Variants in DNAAF6 observed in about 807,000 individuals in gnomAD.
The protein encoded by DNAAF6 is dynein axonemal assembly factor 6, also known as PIH1 domain containing 3.
A neutral mutation model predicts 13.7 loss-of-function variants in DNAAF6; 3 were observed. That is an observed-to-expected ratio of 0.22 (90% CI 0.10 to 0.56). The LOEUF (loss-of-function observed/expected upper bound fraction) is 0.56. DNAAF6 is among the 20% of genes least tolerant of loss of function. DNAAF6 has a pLI of 0.92. For synonymous variants in DNAAF6, 54 were observed against 49.2 expected, an observed-to-expected ratio of 1.10 and a Z score of -0.41; for missense variants, 130 against 151.0, an observed-to-expected ratio of 0.86 and a Z score of 0.73.
In DNAAF6 at chrX:107,213,852, T is replaced by G. The variant is rs151032255; in HGVS notation, c.153+824T>G. Among the ~76,000 whole-genome samples, 6 of 112,047 alleles carry G rather than the reference T, an allele frequency of 5.4e-5. No individual in the cohort carries two copies. In the East Asian group the frequency reaches 1.7e-3, roughly 31 times the overall value. On this transcript the variant is annotated intron_variant, in intron 2 of 6. Coordinates refer to ENST00000372453, the MANE Select transcript of DNAAF6 (RefSeq NM_173494.2). ...TCTGTCAATTTGCATAAAATTATTTTAATGAAGTGTTTTGTTATATGACCA... is the reference window on the plus strand; with the variant it reads ...TCTGTCAATTTGCATAAAATTATTTGAATGAAGTGTTTTGTTATATGACCA...
chrX:107,215,016 G>A (rs1280699651), intron 2 of DNAAF6, among the ~76,000 whole-genome samples: 1 of 111,071 alleles, frequency 9.0e-6, no homozygotes, highest in Non-Finnish European at 1.9e-5. Flanking sequence ...ATTATAACGA[G>A]GATGTTCTGT....
At chrX:107,225,194 T>C (rs974976083) in intron 5 of DNAAF6, among the ~76,000 whole-genome samples, 37 of 110,453 alleles carry the variant, frequency 3.3e-4, no homozygotes, top group Admixed American at 4.9e-4. Context: ...AGCTTTTATT[T>C]GTAGCTTGAA....
chrX:107,208,324 T>C (rs1882493579), intron 1 of DNAAF6, among the ~76,000 whole-genome samples: 1 of 108,865 alleles, frequency 9.2e-6, no homozygotes, highest in South Asian at 4.1e-4. Context: ...TCCCAGCTAC[T>C]TGGGAGGCTG....
At chrX:107,208,974 C>G in intron 1 of DNAAF6, among the ~76,000 whole-genome samples, 1 of 111,929 alleles carries the variant, frequency 8.9e-6, no homozygotes, top group South Asian at 3.7e-4. Context: ...GTTAAGTTCC[C>G]ATAGTTACTT....
At chrX:107,221,487 G>T (rs1213971494) in intron 4 of DNAAF6, among the ~76,000 whole-genome samples, 1 of 111,311 alleles carries the variant, frequency 9.0e-6, no homozygotes, top group Non-Finnish European at 1.9e-5. Context: ...TCCTGCCTCA[G>T]CCTCCCTAAG....
chrX:107,216,589 C>A, intron 2 of DNAAF6, 82 bp from the exon 3 acceptor site: 1 of 626,449 alleles, frequency 1.6e-6, no homozygotes, highest in Non-Finnish European at 2.3e-6. Flanking sequence ...TTATGGAAAT[C>A]CTATCAAATT....
chrX:107,229,930 G>A (rs897320853), intron 5 of DNAAF6, among the ~76,000 whole-genome samples: 5 of 110,363 alleles, frequency 4.5e-5, no homozygotes, highest in African/African-American at 1.7e-4. Context: ...CTCGTGATCC[G>A]CCCGCCTCGG....
chrX:107,217,710 G>A (rs1344013980), intron 3 of DNAAF6, among the ~76,000 whole-genome samples: 1 of 112,147 alleles, frequency 8.9e-6, no homozygotes, highest in Non-Finnish European at 1.9e-5. Context: ...AGGATAGGAA[G>A]GGAGAGGAAG....
In DNAAF6 at chrX:107,236,958, C is replaced by G. The variant is rs372754351; in HGVS notation, c.430-1964C>G. Among the ~76,000 whole-genome samples, 8 of 111,454 alleles carry G rather than the reference C, an allele frequency of 7.2e-5. No individual in the cohort carries two copies. In the East Asian group the frequency reaches 1.7e-3, roughly 24 times the overall value. ...TGAGGCAGAGCACCTGTAACTACCC[C>G]CTGAGAACTGTACGTCTCTCACTTG... On this transcript the variant is annotated intron_variant, in intron 5 of 6. Transcript: ENST00000372453.
At chrX:107,211,773 G>A (rs1445831234) in intron 1 of DNAAF6, among the ~76,000 whole-genome samples, 1 of 111,580 alleles carries the variant, frequency 9.0e-6, no homozygotes, top group Non-Finnish European at 1.9e-5. Context: ...TTTGAAAGTA[G>A]ACATGATATC....
intron 4 of DNAAF6, among the ~76,000 whole-genome samples, chrX:107,221,952 A>G (rs1468206609): frequency 9.3e-6 from 1 of 107,314 alleles, no homozygotes; most frequent in Non-Finnish European, 1.9e-5. Flanking sequence ...TAATTTGTAA[A>G]TATTTGTTTC....
At chrX:107,213,893 A>G (rs981135261) in intron 2 of DNAAF6, among the ~76,000 whole-genome samples, 3 of 111,726 alleles carry the variant, frequency 2.7e-5, no homozygotes, top group East Asian at 5.6e-4. Context: ...TCATGAATAA[A>G]TCATCTTTCA....
rs1818358183 is a variant in DNAAF6, at chrX:107,244,156, T to C, written c.*858T>C. 1 of 112,516 alleles carries C rather than the reference T, an allele frequency of 8.9e-6. No individual in the cohort carries two copies. The highest frequency in any genetic ancestry group is 1.9e-5 in the Non-Finnish European group (1 of 53,191). The allele number at this position is 112,516 out of a possible 1,213,427, so 9.3% of individuals were successfully genotyped here. On this transcript the variant is annotated 3_prime_UTR_variant, in exon 7 of 7. Transcript: ENST00000372453. Reference sequence around the variant, plus strand: ...AACATTTTTTATATGCACTAATAATTATTAGCATTGCCTTTTTGGGTACTG... The same window carrying C: ...AACATTTTTTATATGCACTAATAATCATTAGCATTGCCTTTTTGGGTACTG...
chrX:107,212,873 A>C lies in DNAAF6; in HGVS notation c.-3A>C. 8.5e-7 allele frequency: 1 copy of C among 1,181,038 alleles called. No individual in the cohort carries two copies. The highest frequency in any genetic ancestry group is 1.1e-6 in the Non-Finnish European group (1 of 881,383). On this transcript the variant is annotated splice_region_variant and 5_prime_UTR_variant, in exon 2 of 7. Coordinates refer to ENST00000372453, the MANE Select transcript of DNAAF6 (RefSeq NM_173494.2). Reference sequence around the variant, plus strand: ...TCTTTCTGATTATCTTTTTCTTCAGATAATGGAATCTGAAAATATGGATTC... The same window carrying C: ...TCTTTCTGATTATCTTTTTCTTCAGCTAATGGAATCTGAAAATATGGATTC...
chrX:107,240,672 C>G (rs983576451), intron 6 of DNAAF6, among the ~76,000 whole-genome samples: 1 of 111,341 alleles, frequency 9.0e-6, no homozygotes, highest in Non-Finnish European at 1.9e-5. Flanking sequence ...AGCAGTTTAC[C>G]AAATTCTTCA....
In DNAAF6 at chrX:107,216,721, A is replaced by T. The variant is rs777232490; in HGVS notation, c.204A>T (p.Pro68=). ...IGAMGPGNIG[P]PQIEELKVIP... is the part of the protein sequence containing the mutation. ...CCATGGGTCCTGGGAATATTGGACC[A>T]CCCCAAATAGAAGAGCTCAAAGGTA... The change falls in exon 3 of 7, where the codon CCA becomes CCT. Residue 68 remains proline, a synonymous_variant. Transcript: ENST00000372453. 1.7e-6 allele frequency: 2 copies of T among 1,194,874 alleles called. No homozygotes were observed. Among genetic ancestry groups the T allele is most frequent in the African/African-American group, 3.5e-5 (2 of 56,767 alleles).
At chrX:107,238,416 T>C (rs1457390368) in intron 5 of DNAAF6, among the ~76,000 whole-genome samples, 1 of 111,309 alleles carries the variant, frequency 9.0e-6, no homozygotes. Flanking sequence ...AGTCATATTG[T>C]TATTTCTCTT....
chrX:107,240,622 G>T (rs1017269414), intron 6 of DNAAF6, among the ~76,000 whole-genome samples: 2 of 111,311 alleles, frequency 1.8e-5, no homozygotes, highest in Admixed American at 1.9e-4. Flanking sequence ...AATTTCATTC[G>T]AATTACCAAT....
At chrX:107,239,189 A>G (rs1928579568) in intron 6 of DNAAF6, among the ~76,000 whole-genome samples, 182 bp downstream of exon 6, 1 of 111,886 alleles carries the variant, frequency 8.9e-6, no homozygotes, top group East Asian at 2.8e-4. Flanking sequence ...AAATACTTGG[A>G]CTTTTTTCTA....
Sources: gnomAD v4.1 joint callset for allele counts (sites outside exome capture counted in the v4.1 genomes callset) on GRCh38, gnomAD v4.1.1 for gene constraint, MANE v1.5 for transcripts, NCBI Gene and HGNC (gene_info 2026-07-23, HGNC 2026-07-21) for gene names.